SGCD: variants seen among roughly 807,000 people sequenced by gnomAD.
The protein encoded by SGCD is delta-sarcoglycan.
Under a neutral mutation model 36.6 loss-of-function variants are expected in SGCD, and 18 were observed. The observed-to-expected ratio is 0.49, with a 90% CI of 0.34 to 0.73. SGCD has a LOEUF of 0.73. Ranked by LOEUF, SGCD falls within the 30% of genes least tolerant of loss-of-function variation. SGCD has a pLI of 0.01. For missense variants in SGCD, 387 were observed against 346.7 expected, an observed-to-expected ratio of 1.12 and a Z score of -0.92; for synonymous variants, 133 against 130.6, an observed-to-expected ratio of 1.02 and a Z score of -0.12.
Position 156,087,840 on chromosome 5 carries a change from G to A in SGCD, c.-281-30038G>A, listed in dbSNP as rs535561000. Among the ~76,000 whole-genome samples the A allele has an allele frequency of 9.2e-5, 14 of 152,198 alleles. No homozygotes were observed. The East Asian group carries it at 1.9e-3, about 21-fold the overall frequency. On this transcript the variant is annotated intron_variant, in intron 1 of 9. Transcript: ENST00000517913. ...ATAGAAGCTAGGTGATTGTACCAGCGAAAAATGTACTTGGTTCATCTTTTA... is the reference window on the plus strand; with the variant it reads ...ATAGAAGCTAGGTGATTGTACCAGCAAAAAATGTACTTGGTTCATCTTTTA...
chr5:156,125,136 A>G (rs1762139598), intron 3 of SGCD, among the ~76,000 whole-genome samples: 2 of 152,324 alleles, frequency 1.3e-5, no homozygotes, highest in African/African-American at 2.4e-5. Context: ...TGAAAATTCC[A>G]TTGGTAACTC....
chr5:156,294,385 T>G (rs1766841713), intron 3 of SGCD, among the ~76,000 whole-genome samples: 1 of 152,058 alleles, frequency 6.6e-6, no homozygotes, highest in South Asian at 2.1e-4. Flanking sequence ...TCACTTGAGG[T>G]TCGGAGTTCA....
chr5:156,610,233 C>T (rs1383384048), intron 6 of SGCD, among the ~76,000 whole-genome samples: 2 of 152,112 alleles, frequency 1.3e-5, no homozygotes, highest in African/African-American at 4.8e-5. Context: ...TGTGGATGTC[C>T]TTTCTGTTTG....
chr5:156,563,600 A>G (rs1009715503), intron 4 of SGCD, among the ~76,000 whole-genome samples: 5 of 152,264 alleles, frequency 3.3e-5, no homozygotes, highest in African/African-American at 1.2e-4. Flanking sequence ...ACTAAATTAC[A>G]GAGAGATTTG....
chr5:155,770,959 G>A, the SGCD span, among the ~76,000 whole-genome samples: 31 of 152,124 alleles, frequency 2.0e-4, no homozygotes, highest in African/African-American at 6.0e-4. Flanking sequence ...TTGAACCTTC[G>A]TTTAAATCCC....
intron 3 of SGCD, among the ~76,000 whole-genome samples, chr5:156,228,810 T>G (rs1764923139): frequency 6.6e-6 from 1 of 152,148 alleles, no homozygotes; most frequent in Non-Finnish European, 1.5e-5. Flanking sequence ...TGTTTCAAGA[T>G]TTAGAGCTCC....
At chr5:156,480,520 A>G (rs1755378306) in intron 3 of SGCD, among the ~76,000 whole-genome samples, 1 of 152,248 alleles carries the variant, frequency 6.6e-6, no homozygotes, top group South Asian at 2.1e-4. Flanking sequence ...GCCACTGTGC[A>G]AAGGAAATCA....
chr5:156,420,039 G>A (rs1193640638), intron 3 of SGCD, among the ~76,000 whole-genome samples: 1 of 152,102 alleles, frequency 6.6e-6, no homozygotes, highest in African/African-American at 2.4e-5. Context: ...CCAGGGACTT[G>A]ATAACAGTCC....
intron 6 of SGCD, among the ~76,000 whole-genome samples, chr5:156,629,375 G>A (rs947190058): frequency 6.6e-6 from 1 of 152,162 alleles, no homozygotes; most frequent in Non-Finnish European, 1.5e-5. Flanking sequence ...TTCATGCTTT[G>A]GAAGAATATT....
chr5:155,860,246 A>T, the SGCD span, among the ~76,000 whole-genome samples: 1 of 152,216 alleles, frequency 6.6e-6, no homozygotes, highest in South Asian at 2.1e-4. Context: ...TTTTGGCATG[A>T]TTTGTTTCTA....
rs56047814 is a variant in SGCD at position 156,558,962 on chromosome 5, C to T, written c.295-30269C>T. 6.9e-3 allele frequency among the ~76,000 whole-genome samples: 1,058 copies of T among 152,236 alleles called. 11 individuals are homozygous for T. The highest frequency in any genetic ancestry group is 0.023 in the African/African-American group (941 of 41,540). On this transcript the variant is annotated intron_variant, in intron 4 of 8. Transcript: ENST00000337851. ...TAACAGGACATTAGAAGGCAAAAGC[C>T]AGCATTTTGGTGAATGGATTGCCAA...
Position 156,353,147 on chromosome 5 carries a change from G to A in SGCD, c.192+8470G>A, listed in dbSNP as rs530498653. Among the ~76,000 whole-genome samples the A allele has an allele frequency of 9.2e-4, 140 of 152,254 alleles. 1 individual carries two copies. The highest frequency in any genetic ancestry group is 3.1e-3 in the African/African-American group (129 of 41,546). ...GTTTTGAGTAAGCTCAAGGAACTGCGACCCAGTCAAACTAACTCAAGTTGA... is the reference window on the plus strand; with the variant it reads ...GTTTTGAGTAAGCTCAAGGAACTGCAACCCAGTCAAACTAACTCAAGTTGA... On this transcript the variant is annotated intron_variant, in intron 3 of 8. Transcript: ENST00000337851.
At chr5:156,293,666 G>A (rs1473937493) in intron 3 of SGCD, among the ~76,000 whole-genome samples, 1 of 151,864 alleles carries the variant, frequency 6.6e-6, no homozygotes, top group Non-Finnish European at 1.5e-5. Context: ...TATTCCGTTG[G>A]TCTATGTATC....
At chr5:155,831,636 A>C in the SGCD span, among the ~76,000 whole-genome samples, 1 of 152,294 alleles carries the variant, frequency 6.6e-6, no homozygotes, top group East Asian at 1.9e-4. Context: ...TGATTTCTCT[A>C]TTTGGCAAGT....
chr5:156,126,840 A>G (rs1561530521), intron 3 of SGCD, among the ~76,000 whole-genome samples: 1 of 152,234 alleles, frequency 6.6e-6, no homozygotes. Context: ...TTTCTAAGTC[A>G]GCAGCATCAG....
At chr5:156,139,124 A>C (rs1376193648) in intron 3 of SGCD, among the ~76,000 whole-genome samples, 1 of 152,152 alleles carries the variant, frequency 6.6e-6, no homozygotes, top group African/African-American at 2.4e-5. Context: ...CCAGTCTGTT[A>C]CTTGACTTTT....
At chr5:156,566,774 G>A (rs1759495057) in intron 4 of SGCD, among the ~76,000 whole-genome samples, 1 of 152,160 alleles carries the variant, frequency 6.6e-6, no homozygotes, top group Non-Finnish European at 1.5e-5. Context: ...ATGTAAATGT[G>A]AAGGTGTTAC....
At chr5:156,540,881 A>G (rs1372752568) in intron 4 of SGCD, among the ~76,000 whole-genome samples, 3 of 152,182 alleles carry the variant, frequency 2.0e-5, no homozygotes, top group African/African-American at 7.2e-5. Flanking sequence ...GGCTAGGGAT[A>G]TAATTTTTTA....
intron 6 of SGCD, among the ~76,000 whole-genome samples, chr5:156,631,879 G>T (rs1310290086): frequency 6.6e-6 from 1 of 152,154 alleles, no homozygotes; most frequent in East Asian, 1.9e-4. Flanking sequence ...TAGTGATGTA[G>T]ACTGTTAGGG....
Sources: gnomAD v4.1 joint callset for allele counts (sites outside exome capture counted in the v4.1 genomes callset) on GRCh38, gnomAD v4.1.1 for gene constraint, MANE v1.5 for transcripts, NCBI Gene and HGNC (gene_info 2026-07-23, HGNC 2026-07-21) for gene names.